TRABD2B: variants seen among roughly 807,000 people sequenced by gnomAD.
TRABD2B encodes the protein TraB domain containing 2B, also known as metalloprotease TIKI2.
A neutral mutation model predicts 40.1 loss-of-function variants in TRABD2B; 14 were observed. That is an observed-to-expected ratio of 0.35 (90% CI 0.23 to 0.55). The LOEUF (loss-of-function observed/expected upper bound fraction) is 0.55. Ranked by LOEUF, TRABD2B falls within the 20% of genes least tolerant of loss-of-function variation. TRABD2B has a pLI of 0.90. For missense variants in TRABD2B, 541 were observed against 648.6 expected (o/e 0.83, Z 1.80); for synonymous variants, 263 against 277.0 (o/e 0.95, Z 0.50).
intron 2 of TRABD2B, among the ~76,000 whole-genome samples, chr1:47,870,557 C>A (rs75482300): frequency 3.9e-5 from 6 of 152,294 alleles, no homozygotes; most frequent in African/African-American, 1.4e-4. Flanking sequence ...ATTACTCATG[C>A]GCACGTCCCC....
chr1:47,766,384 G>A (rs949250169), intron 6 of TRABD2B, among the ~76,000 whole-genome samples: 2 of 152,098 alleles, frequency 1.3e-5, no homozygotes, highest in African/African-American at 4.8e-5. Context: ...GTCACCACTC[G>A]AGAGAATGGG....
chr1:47,960,873 T>C (rs1210225350), intron 2 of TRABD2B, among the ~76,000 whole-genome samples: 1 of 151,980 alleles, frequency 6.6e-6, no homozygotes, highest in African/African-American at 2.4e-5. Context: ...TTAAAGTTCA[T>C]ATGGAACCAA....
At chr1:47,952,097 A>C (rs1167532699) in intron 2 of TRABD2B, among the ~76,000 whole-genome samples, 2 of 152,162 alleles carry the variant, frequency 1.3e-5, no homozygotes, top group African/African-American at 4.8e-5. Flanking sequence ...CACTCACTGC[A>C]GTTGGGAGAA....
At chr1:47,793,290 C>G (rs1223142829) in intron 4 of TRABD2B, among the ~76,000 whole-genome samples, 1 of 152,202 alleles carries the variant, frequency 6.6e-6, no homozygotes, top group Non-Finnish European at 1.5e-5. Flanking sequence ...TGCATGAACC[C>G]AGAACTCTTT....
intron 2 of TRABD2B, among the ~76,000 whole-genome samples, chr1:47,963,181 C>T (rs969848748): frequency 2.6e-5 from 4 of 152,356 alleles, no homozygotes; most frequent in Admixed American, 2.6e-4. Context: ...GACAGATTAA[C>T]ATAACAGGTT....
intron 2 of TRABD2B, among the ~76,000 whole-genome samples, chr1:47,986,313 A>G (rs924152216): frequency 6.6e-6 from 1 of 152,190 alleles, no homozygotes; most frequent in Non-Finnish European, 1.5e-5. Context: ...GTTTCTGAGA[A>G]TTAGAGAGGC....
chr1:47,795,635 A>G, intron 3 of TRABD2B: 1 of 984,828 alleles, frequency 1.0e-6, no homozygotes, highest in Non-Finnish European at 1.2e-6. Context: ...TGGGGATTCA[A>G]TAAGAGGATG....
rs1646106592 is a variant in TRABD2B, at chr1:47,997,201, C to T, written c.-412G>A. On this transcript the variant is annotated 5_prime_UTR_variant, in exon 1 of 7. Coordinates refer to ENST00000606738, the MANE Select transcript of TRABD2B (RefSeq NM_001194986.2). Reference sequence around the variant, plus strand: ...GGGCACCCGGGGCACGCAAGGGTCCCAGGGGTGCGCGGCGCTCCAGGAGGC... The same window carrying T: ...GGGCACCCGGGGCACGCAAGGGTCCTAGGGGTGCGCGGCGCTCCAGGAGGC... 3 of 982,954 alleles carry T rather than the reference C, an allele frequency of 3.1e-6. No individual in the cohort carries two copies. Among genetic ancestry groups the T allele is most frequent in the Non-Finnish European group, 2.4e-6 (2 of 829,120 alleles). 60.9% of individuals were successfully genotyped at this position (982,954 alleles called of 1,614,324 possible).
At chr1:47,792,845 GGCCTGGGGAGGA>G (rs1056788310) in intron 4 of TRABD2B, among the ~76,000 whole-genome samples, 1 of 152,080 alleles carries the variant, frequency 6.6e-6, no homozygotes, top group Non-Finnish European at 1.5e-5. Flanking sequence ...GCTCCCCTTA[GGCCTGGGGAGGA>G]GCCTGGGGGC....
At chr1:47,858,595 A>G (rs759489937) in intron 2 of TRABD2B, among the ~76,000 whole-genome samples, 8 of 152,358 alleles carry the variant, frequency 5.3e-5, no homozygotes, top group Non-Finnish European at 7.3e-5. Context: ...AGTGAAATTT[A>G]TTAATCCAGT....
chr1:47,935,475 G>A (rs4926689), intron 2 of TRABD2B, among the ~76,000 whole-genome samples: 3,538 of 152,134 alleles, frequency 0.023, 104 homozygotes, highest in Admixed American at 0.09. Context: ...TCAATAACAC[G>A]GGTACTCAGG....
intron 2 of TRABD2B, among the ~76,000 whole-genome samples, chr1:47,879,967 T>G (rs1644279404): frequency 6.6e-6 from 1 of 152,222 alleles, no homozygotes; most frequent in Non-Finnish European, 1.5e-5. Flanking sequence ...TAACAACTGC[T>G]TCACTCCTTT....
rs181860024 is a variant in TRABD2B at position 47,813,221 on chromosome 1, A to C, written c.667-11602T>G. 6.6e-6 allele frequency among the ~76,000 whole-genome samples: 1 copy of C among 152,298 alleles called. No homozygotes were observed. The highest frequency in any genetic ancestry group is 1.9e-4 in the East Asian group (1 of 5,182). Reference sequence around the variant, plus strand: ...CCCCTCTAATTCCTCTGGTCTGACCACATAGCAATTACCAATTTGCAGAGG... The same window carrying C: ...CCCCTCTAATTCCTCTGGTCTGACCCCATAGCAATTACCAATTTGCAGAGG... On this transcript the variant is annotated intron_variant, in intron 2 of 6. Coordinates refer to ENST00000606738, the MANE Select transcript of TRABD2B (RefSeq NM_001194986.2). This position sits in a 1 kb window ranked among gnomAD's most constrained non-coding sequence, Gnocchi z 4.3.
At chr1:47,966,941 A>G (rs963506072) in intron 2 of TRABD2B, among the ~76,000 whole-genome samples, 1 of 151,248 alleles carries the variant, frequency 6.6e-6, no homozygotes, top group Admixed American at 6.6e-5. Context: ...AATAAAATAA[A>G]ATAAAATAAT....
chr1:47,954,112 G>A (rs1208502668), intron 2 of TRABD2B, among the ~76,000 whole-genome samples: 1 of 152,190 alleles, frequency 6.6e-6, no homozygotes, highest in Non-Finnish European at 1.5e-5. Flanking sequence ...AACAAGGAAA[G>A]GCCAGTGAGG....
chr1:47,909,425 GGA>G (rs138436084), intron 2 of TRABD2B, among the ~76,000 whole-genome samples: 4 of 148,606 alleles, frequency 2.7e-5, no homozygotes, highest in East Asian at 2.0e-4. Context: ...AGAGAGAAGG[GGA>G]GAGAGAGAGA....
intron 2 of TRABD2B, among the ~76,000 whole-genome samples, chr1:47,894,211 C>T (rs1220647418): frequency 6.6e-6 from 1 of 152,104 alleles, no homozygotes; most frequent in Non-Finnish European, 1.5e-5. Flanking sequence ...AGCCAAGCCG[C>T]CTTGGTTCAC....
intron 2 of TRABD2B, among the ~76,000 whole-genome samples, chr1:47,934,536 A>T (rs1645081335): frequency 6.6e-6 from 1 of 152,150 alleles, no homozygotes; most frequent in South Asian, 2.1e-4. Context: ...TGCTCCTTGG[A>T]TCTCCCCTCG....
At chr1:47,878,326 A>G (rs1644253690) in intron 2 of TRABD2B, among the ~76,000 whole-genome samples, 1 of 152,186 alleles carries the variant, frequency 6.6e-6, no homozygotes. Context: ...GCACCCCCCA[A>G]AAAAAGAACA....
Sources: allele counts gnomAD v4.1 joint callset (sites outside exome capture counted in the v4.1 genomes callset), GRCh38; gene constraint gnomAD v4.1.1; non-coding constraint Gnocchi (gnomAD v3.1); transcripts MANE v1.5; gene names NCBI Gene and HGNC (gene_info 2026-07-23, HGNC 2026-07-21).